ADAMTS17: variants seen among roughly 807,000 people sequenced by gnomAD.
ADAMTS17 encodes the protein ADAM metallopeptidase with thrombospondin type 1 motif 17, also known as A disintegrin and metalloproteinase with thrombospondin motifs 17.
In ADAMTS17, 113 loss-of-function variants were observed where a neutral mutation model predicts 141.5. The observed-to-expected ratio is 0.80, with a 90% CI of 0.69 to 0.93. The LOEUF (loss-of-function observed/expected upper bound fraction) is 0.93, where lower values mean the gene tolerates loss of function less well. Among genes scored for constraint, ADAMTS17 ranks in the 40% least tolerant of loss-of-function variants. ADAMTS17 has a pLI of 0.00. For missense variants in ADAMTS17, 1,659 were observed against 1,517.9 expected (o/e 1.09, Z -1.54); for synonymous variants, 768 against 630.6 (o/e 1.22, Z -3.27).
chr15:100,219,953 T>C (rs182386657), intron 7 of ADAMTS17, among the ~76,000 whole-genome samples: 11 of 152,316 alleles, frequency 7.2e-5, no homozygotes, highest in African/African-American at 2.6e-4. Flanking sequence ...TTACATCTGT[T>C]ACCCCACAAC....
intron 3 of ADAMTS17, among the ~76,000 whole-genome samples, chr15:100,317,074 G>A (rs1018234367): frequency 1.3e-5 from 2 of 152,100 alleles, no homozygotes; most frequent in Non-Finnish European, 2.9e-5. Flanking sequence ...GGGTAATTAC[G>A]AATTATCAGC....
chr15:100,254,323 A>G, intron 6 of ADAMTS17, 144 bp from the exon 7 acceptor site: 1 of 762,246 alleles, frequency 1.3e-6, no homozygotes, highest in Non-Finnish European at 2.2e-6. Flanking sequence ...AACAAACAGC[A>G]GCGTTTGGCA....
At position 100,321,242 on chromosome 15, in the gene ADAMTS17, AT is replaced by A. The variant is rs551506762; in HGVS notation, c.616+9646del. 1.9e-3 allele frequency among the ~76,000 whole-genome samples: 293 copies of A among 152,130 alleles called. 1 individual carries two copies. Among genetic ancestry groups the A allele is most frequent in the African/African-American group, 6.5e-3 (269 of 41,526 alleles). The stretch of plus-strand genomic sequence containing the variant: ...ACACCAGTGGAAGAGAGAAGGGGAA[AT>A]TTTTTTTAAAAGTTGGTCAAGCCAA... On this transcript the variant is annotated intron_variant, in intron 3 of 21. Coordinates refer to ENST00000268070, the MANE Select transcript of ADAMTS17 (RefSeq NM_139057.4).
At chr15:100,150,540 C>T (rs2039111836) in intron 10 of ADAMTS17, among the ~76,000 whole-genome samples, 1 of 152,158 alleles carries the variant, frequency 6.6e-6, no homozygotes, top group African/African-American at 2.4e-5. Context: ...CAAAGTCCAG[C>T]CTGGGAGACT....
intron 7 of ADAMTS17, among the ~76,000 whole-genome samples, chr15:100,248,472 C>A (rs1596357782): frequency 6.6e-6 from 1 of 152,326 alleles, no homozygotes; most frequent in Middle Eastern, 3.4e-3. Flanking sequence ...ACGACCTCAC[C>A]TCTGCCAAGT....
intron 10 of ADAMTS17, among the ~76,000 whole-genome samples, chr15:100,145,757 G>T (rs903728911): frequency 6.6e-6 from 1 of 152,212 alleles, no homozygotes; most frequent in African/African-American, 2.4e-5. Context: ...ACAGGAATAA[G>T]CAATATATGA....
chr15:100,049,607 G>T (rs1375023407), intron 17 of ADAMTS17, among the ~76,000 whole-genome samples: 1 of 152,154 alleles, frequency 6.6e-6, no homozygotes, highest in Non-Finnish European at 1.5e-5. Context: ...CTTCTTATAG[G>T]TGTTCCCAGA....
At chr15:100,068,214 C>T (rs866349526) in intron 15 of ADAMTS17, among the ~76,000 whole-genome samples, 5 of 152,138 alleles carry the variant, frequency 3.3e-5, no homozygotes, top group East Asian at 1.9e-4. Context: ...GAGGGGCGCC[C>T]GCCATTGTCC....
Position 100,132,068 on chromosome 15 carries a change from T to G in ADAMTS17, c.1660A>C (p.Met554Leu). 1 of 1,613,704 alleles carries G rather than the reference T, an allele frequency of 6.2e-7. No homozygotes were observed. Among genetic ancestry groups the G allele is most frequent in the Non-Finnish European group, 8.5e-7 (1 of 1,179,582 alleles). ...CCCGTCCCACATGTTCGGCTGCACA[T>G]GCTCCAGGCGCCCCACGGGCTCCAG... Reference protein sequence around the residue: ...GDWSPWGAWSMCSRTCGTGAR... With the variant: ...GDWSPWGAWSLCSRTCGTGAR... Residue 554 changes from methionine to leucine, a missense_variant, in exon 12 of 22, where the codon ATG (methionine) becomes CTG (leucine). Met to Leu is a conservative substitution (Grantham distance 15, BLOSUM62 2). Transcript: ENST00000268070.
At chr15:100,004,358 T>A (rs370342741) in intron 18 of ADAMTS17, among the ~76,000 whole-genome samples, 2 of 152,264 alleles carry the variant, frequency 1.3e-5, no homozygotes, top group South Asian at 2.1e-4. Flanking sequence ...AAGAAATCAT[T>A]TCACCCAACC....
At chr15:100,074,369 T>C (rs2034217392) in intron 15 of ADAMTS17, among the ~76,000 whole-genome samples, 1 of 150,864 alleles carries the variant, frequency 6.6e-6, no homozygotes, top group African/African-American at 2.4e-5. Flanking sequence ...ATATATAACA[T>C]ATTTTATGCA....
intron 8 of ADAMTS17, among the ~76,000 whole-genome samples, chr15:100,181,596 T>A (rs1325437380): frequency 6.6e-6 from 1 of 152,226 alleles, no homozygotes; most frequent in Non-Finnish European, 1.5e-5. Context: ...TAAGTGTGTG[T>A]CTAGAATTGT....
At chr15:100,064,902 G>A (rs984826295) in intron 15 of ADAMTS17, among the ~76,000 whole-genome samples, 3 of 152,154 alleles carry the variant, frequency 2.0e-5, no homozygotes, top group Non-Finnish European at 4.4e-5. Context: ...TTGTTTCTGC[G>A]ATTCAGATGA....
intron 7 of ADAMTS17, among the ~76,000 whole-genome samples, chr15:100,228,534 G>A (rs528043430): frequency 2.0e-5 from 3 of 152,282 alleles, no homozygotes; most frequent in Admixed American, 6.5e-5. Flanking sequence ...GAGGAGAAAA[G>A]GAAAACTCGA....
At chr15:100,198,668 C>A (rs191875844) in intron 8 of ADAMTS17, among the ~76,000 whole-genome samples, 2 of 152,196 alleles carry the variant, frequency 1.3e-5, no homozygotes, top group African/African-American at 4.8e-5. Flanking sequence ...GTTTGAGCGT[C>A]GTCTGGCTTT....
At chr15:100,042,664 A>G (rs2031352395) in intron 18 of ADAMTS17, among the ~76,000 whole-genome samples, 1 of 152,176 alleles carries the variant, frequency 6.6e-6, no homozygotes. Flanking sequence ...GACACCCTAC[A>G]GTTGATCTAA....
chr15:100,247,941 C>T (rs1339557179), intron 7 of ADAMTS17, among the ~76,000 whole-genome samples: 1 of 152,182 alleles, frequency 6.6e-6, no homozygotes, highest in East Asian at 1.9e-4. Context: ...GCAGTGGGCA[C>T]GTCTACCAAG....
At position 99,971,503 on chromosome 15, in the gene ADAMTS17, A is replaced by AGAAAAAT; in HGVS notation, c.*2898_*2899insATTTTTC. 1 of 152,378 alleles carries AGAAAAAT rather than the reference A, an allele frequency of 6.6e-6. No individual in the cohort carries two copies. The highest frequency in any genetic ancestry group is 1.5e-5 in the Non-Finnish European group (1 of 68,038). The allele number at this position is 152,378 out of a possible 1,614,324, so 9.4% of individuals were successfully genotyped here. The stretch of plus-strand genomic sequence containing the variant: ...CCAATGAAATGATTAATTTTTCTAT[A>AGAAAAAT]TAATTTTCATGTATAATGGCGTCCA... On this transcript the variant is annotated 3_prime_UTR_variant, in exon 22 of 22. Transcript: ENST00000268070.
intron 18 of ADAMTS17, 55 bp downstream of exon 18, chr15:100,048,802 T>A: frequency 6.2e-7 from 1 of 1,613,200 alleles, no homozygotes; most frequent in Non-Finnish European, 8.5e-7. Context: ...CCACCACTGA[T>A]GGTGCTGCCG....
Sources: gnomAD v4.1 joint callset for allele counts (sites outside exome capture counted in the v4.1 genomes callset) on GRCh38, gnomAD v4.1.1 for gene constraint, MANE v1.5 for transcripts, NCBI Gene and HGNC (gene_info 2026-07-23, HGNC 2026-07-21) for gene names.